ZNF654: variants seen among roughly 807,000 people sequenced by gnomAD.
The protein encoded by ZNF654 is zinc finger protein 654.
Under a neutral mutation model 95.3 loss-of-function variants are expected in ZNF654, and 19 were observed. That is an observed-to-expected ratio of 0.20 (90% confidence interval 0.14 to 0.29). The LOEUF is 0.29. Ranked by LOEUF, ZNF654 falls within the 10% of genes least tolerant of loss-of-function variation. The pLI, the probability that ZNF654 is intolerant of heterozygous loss-of-function variation, is 1.00. For synonymous variants in ZNF654, 413 were observed against 457.9 expected (o/e 0.90, Z 1.25); for missense variants, 1,046 against 1,341.0 (o/e 0.78, Z 3.44).
rs1211254171 is a variant in ZNF654 at position 88,139,032 on chromosome 3, G to A, written c.1363G>A (p.Val455Ile). 6 of 1,242,816 alleles carry A rather than the reference G, an allele frequency of 4.8e-6. No homozygotes were observed. Among genetic ancestry groups the A allele is most frequent in the African/African-American group, 1.6e-5 (1 of 64,436 alleles). 77.0% of individuals were successfully genotyped at this position (1,242,816 alleles called of 1,614,324 possible). A position where few individuals can be genotyped will look rare whatever the true frequency, so the allele number is the denominator to read the frequency against. Reference sequence around the variant, plus strand: ...TTTTGACCCTGAATTTTGGAACTTCGTAATGATTAAGAAAAACTGTGTAGC... The same window carrying A: ...TTTTGACCCTGAATTTTGGAACTTCATAATGATTAAGAAAAACTGTGTAGC... ...LFFDPEFWNF[V>I]MIKKNCVALL... is the part of the protein sequence containing the mutation. Residue 455 changes from valine to isoleucine, a missense_variant, in exon 8 of 9, where the codon GTA becomes ATA. Val to Ile is a conservative substitution (Grantham distance 29). Coordinates refer to ENST00000636215, the MANE Select transcript of ZNF654 (RefSeq NM_001350134.2).
intron 2 of ZNF654, among the ~76,000 whole-genome samples, chr3:88,109,150 T>TGTGTGTGTGTGTGTGTGTGTGTGA (rs1704934340): frequency 2.0e-5 from 3 of 148,802 alleles, no homozygotes; most frequent in Non-Finnish European, 4.5e-5. Context: ...CTAGTGTGTG[T>TGTGTGTGTGTGTGTGTGTGTGTGA]GTGTGTGTGT....
intron 7 of ZNF654, among the ~76,000 whole-genome samples, chr3:88,137,118 C>G (rs1250281383): frequency 1.4e-5 from 2 of 145,666 alleles, no homozygotes; most frequent in Non-Finnish European, 3.0e-5. Context: ...TTGCTTGAAC[C>G]CGGGAGGCAG....
intron 2 of ZNF654, chr3:88,095,654 C>A: frequency 2.1e-6 from 1 of 485,462 alleles, no homozygotes; most frequent in South Asian, 1.5e-5. Flanking sequence ...TATCATCACT[C>A]TGTTCTCTTT....
chr3:88,124,746 G>A (rs188895045), intron 3 of ZNF654, among the ~76,000 whole-genome samples: 2 of 147,160 alleles, frequency 1.4e-5, no homozygotes, highest in Non-Finnish European at 3.0e-5. Context: ...GCAATTGCTT[G>A]TGTTTTGATT....
intron 2 of ZNF654, among the ~76,000 whole-genome samples, chr3:88,104,014 G>A (rs749421769): frequency 3.3e-5 from 5 of 151,688 alleles, no homozygotes; most frequent in African/African-American, 4.8e-5. Flanking sequence ...CACCTGCCTC[G>A]GCCTCTGCTG....
chr3:88,133,198 G>A (rs567961806), intron 6 of ZNF654, among the ~76,000 whole-genome samples: 1 of 152,182 alleles, frequency 6.6e-6, no homozygotes, highest in East Asian at 1.9e-4. Context: ...GGGTCACATA[G>A]GAGACATGGC....
intron 5 of ZNF654, 45 bp downstream of exon 5, chr3:88,129,056 C>CA (rs753725595): frequency 1.2e-3 from 1,531 of 1,279,658 alleles, no homozygotes; most frequent in Admixed American, 2.1e-3. Context: ...TTAACCCTAC[C>CA]AAAAAAAAAC....
chr3:88,137,167 C>G (rs1706841236), intron 7 of ZNF654, among the ~76,000 whole-genome samples: 1 of 133,368 alleles, frequency 7.5e-6, no homozygotes, highest in Non-Finnish European at 1.5e-5. Flanking sequence ...TCTACTCCAG[C>G]CTGGGTGACA....
intron 1 of ZNF654, among the ~76,000 whole-genome samples, chr3:88,065,821 GGCTAAA>G (rs1479948494): frequency 6.6e-6 from 1 of 152,046 alleles, no homozygotes; most frequent in Non-Finnish European, 1.5e-5. Flanking sequence ...CCCTGTCCGG[GGCTAAA>G]GCGCTTCTCA....
At chr3:88,119,840 C>T (rs1705663421) in intron 3 of ZNF654, among the ~76,000 whole-genome samples, 1 of 152,210 alleles carries the variant, frequency 6.6e-6, no homozygotes, top group African/African-American at 2.4e-5. Context: ...CTTCCATTAG[C>T]ATGGCAACTA....
chr3:88,094,287 G>A (rs1172602491), intron 2 of ZNF654, among the ~76,000 whole-genome samples: 1 of 152,000 alleles, frequency 6.6e-6, no homozygotes, highest in Non-Finnish European at 1.5e-5. Context: ...ACTTAGTATT[G>A]CATTTGGTCT....
At chr3:88,090,742 G>T (rs189645966) in intron 2 of ZNF654, among the ~76,000 whole-genome samples, 375 of 152,234 alleles carry the variant, frequency 2.5e-3, no homozygotes, top group Non-Finnish European at 4.2e-3. Flanking sequence ...CACATAAACA[G>T]CTTTTATCTT....
intron 2 of ZNF654, among the ~76,000 whole-genome samples, chr3:88,108,713 C>T (rs1704898216): frequency 6.6e-6 from 1 of 151,998 alleles, no homozygotes. Flanking sequence ...GTTCAGGTAA[C>T]CCTTATTTTA....
At chr3:88,133,677 A>C (rs1292791200) in intron 6 of ZNF654, among the ~76,000 whole-genome samples, 1 of 152,034 alleles carries the variant, frequency 6.6e-6, no homozygotes, top group Non-Finnish European at 1.5e-5. Context: ...GAAACTCCTA[A>C]CTCTACAACC....
Position 88,140,927 on chromosome 3 carries a change from A to T in ZNF654, c.3258A>T (p.Lys1086Asn). The T allele has an allele frequency of 6.2e-7, 1 of 1,613,630 alleles. No individual in the cohort carries two copies. The highest frequency in any genetic ancestry group is 8.5e-7 in the Non-Finnish European group (1 of 1,179,648). ...CTGATCAAGATAACGTGTATAAAAA[A>T]TCAGTGAAAAGATTAAGATGTGGCA... ...ACSDQDNVYK[K>N]SVKRLRCGKC... is the part of the protein sequence containing the mutation. The change falls in exon 8 of 9, where the codon AAA (lysine) becomes AAT (asparagine). Residue 1086 changes from lysine to asparagine, a missense_variant. Lys to Asn is a moderately conservative substitution (Grantham distance 94). This residue lies in a region of ZNF654 where 59 missense variants were observed against 73.0 expected (regional missense o/e 0.81). Transcript: ENST00000636215.
At chr3:88,088,887 C>G (rs368182514) in intron 2 of ZNF654, among the ~76,000 whole-genome samples, 1 of 151,778 alleles carries the variant, frequency 6.6e-6, no homozygotes, top group South Asian at 2.1e-4. Context: ...ATTCTCCTGC[C>G]TCAGCCTCCC....
intron 2 of ZNF654, among the ~76,000 whole-genome samples, chr3:88,112,087 G>A (rs1559717938): frequency 1.3e-5 from 2 of 151,626 alleles, no homozygotes; most frequent in African/African-American, 2.4e-5. Context: ...TTGGTTTTAC[G>A]TTTTTTGGTC....
chr3:88,115,642 T>A (rs1259970789), intron 3 of ZNF654, among the ~76,000 whole-genome samples: 1 of 152,184 alleles, frequency 6.6e-6, no homozygotes. Flanking sequence ...AAGTAGAAAT[T>A]TTTAACTCTT....
intron 7 of ZNF654, among the ~76,000 whole-genome samples, chr3:88,136,909 T>A (rs1706819154): frequency 6.6e-6 from 1 of 152,082 alleles, no homozygotes; most frequent in Non-Finnish European, 1.5e-5. Context: ...AGATAGAGGA[T>A]GTAGGCTGGG....
Sources: allele counts gnomAD v4.1 joint callset (sites outside exome capture counted in the v4.1 genomes callset), GRCh38; gene constraint gnomAD v4.1.1; regional missense constraint gnomAD v4.1.1; transcripts MANE v1.5; gene names NCBI Gene and HGNC (gene_info 2026-07-23, HGNC 2026-07-21).